The following GPC5 variants were observed in gnomAD, a reference collection of about 807,000 sequenced individuals.
GPC5 encodes glypican-5.
A neutral mutation model predicts 53.9 loss-of-function variants in GPC5; 47 were observed. That is an observed-to-expected ratio of 0.87 (90% CI 0.69 to 1.11). The LOEUF is 1.11. Ranked by LOEUF, GPC5 falls within the 50% of genes most tolerant of loss-of-function variation. The probability of loss-of-function intolerance (pLI) is 0.00; values close to 1 mark genes in which losing one functional copy is unlikely to be tolerated. For missense variants in GPC5, 748 were observed against 713.1 expected, an observed-to-expected ratio of 1.05 and a Z score of -0.56; for synonymous variants, 286 against 263.3, an observed-to-expected ratio of 1.09 and a Z score of -0.84.
chr13:92,223,192 A>G (rs2139090518), intron 7 of GPC5, among the ~76,000 whole-genome samples: 1 of 152,272 alleles, frequency 6.6e-6, no homozygotes, highest in Admixed American at 6.5e-5. Context: ...CTTGACCTCA[A>G]AGCAATTCTG....
chr13:91,497,677 G>A (rs12859701), intron 2 of GPC5, among the ~76,000 whole-genome samples: 12 of 152,296 alleles, frequency 7.9e-5, no homozygotes, highest in Admixed American at 3.3e-4. Flanking sequence ...AATTGGGAAT[G>A]TTGCCCTCTA....
intron 2 of GPC5, among the ~76,000 whole-genome samples, chr13:91,611,221 C>G (rs929775780): frequency 6.6e-5 from 10 of 152,054 alleles, no homozygotes; most frequent in African/African-American, 2.4e-4. Flanking sequence ...AAAACTAGTA[C>G]AAGAATATAA....
At chr13:91,970,339 A>G (rs746506744) in intron 6 of GPC5, among the ~76,000 whole-genome samples, 2 of 152,148 alleles carry the variant, frequency 1.3e-5, no homozygotes, top group Non-Finnish European at 2.9e-5. Flanking sequence ...CTCAGTTATA[A>G]CATGAATAAG....
At chr13:91,979,526 C>A (rs1029711726) in intron 6 of GPC5, among the ~76,000 whole-genome samples, 3 of 152,158 alleles carry the variant, frequency 2.0e-5, no homozygotes. Context: ...TTCAATTCCA[C>A]AACTTTGGAG....
intron 5 of GPC5, among the ~76,000 whole-genome samples, chr13:91,833,431 CACA>C (rs1047318352): frequency 2.0e-5 from 3 of 151,954 alleles, no homozygotes; most frequent in Non-Finnish European, 2.9e-5. Flanking sequence ...CTGGCAAAGG[CACA>C]ACAACAACAA....
At chr13:92,218,606 T>C (rs1177182445) in intron 7 of GPC5, among the ~76,000 whole-genome samples, 1 of 152,186 alleles carries the variant, frequency 6.6e-6, no homozygotes, top group Admixed American at 6.5e-5. Flanking sequence ...TAATCTTCTT[T>C]ACCTTAAAGG....
chr13:92,464,358 C>T (rs950355959), intron 7 of GPC5, among the ~76,000 whole-genome samples: 3 of 152,084 alleles, frequency 2.0e-5, no homozygotes, highest in African/African-American at 7.2e-5. Flanking sequence ...CATATTTTTA[C>T]ACCAAAAATT....
At chr13:92,026,453 C>CT (rs1263154168) in intron 6 of GPC5, among the ~76,000 whole-genome samples, 1,982 of 140,618 alleles carry the variant, frequency 0.014, 16 homozygotes, top group Middle Eastern at 0.022. Flanking sequence ...TTTCTTTTTT[C>CT]TTTTTTTTTT....
At chr13:91,520,331 C>T in intron 2 of GPC5, among the ~76,000 whole-genome samples, 1 of 152,102 alleles carries the variant, frequency 6.6e-6, no homozygotes, top group Non-Finnish European at 1.5e-5. Context: ...TTCCTGGTCC[C>T]CAGATGTGTG....
intron 7 of GPC5, among the ~76,000 whole-genome samples, chr13:92,609,751 G>C (rs929125399): frequency 6.6e-6 from 1 of 152,082 alleles, no homozygotes; most frequent in African/African-American, 2.4e-5. Context: ...TTGAAGTTCA[G>C]GCCGGCATGT....
chr13:92,818,560 A>G (rs1030004288), intron 7 of GPC5, among the ~76,000 whole-genome samples: 3 of 151,938 alleles, frequency 2.0e-5, no homozygotes, highest in African/African-American at 7.3e-5. Context: ...CAGCTGGCAT[A>G]ACGTAAACAA....
intron 2 of GPC5, among the ~76,000 whole-genome samples, chr13:91,492,844 T>TC (rs1884014588): frequency 6.6e-6 from 1 of 152,208 alleles, no homozygotes; most frequent in Non-Finnish European, 1.5e-5. Context: ...AGCCACCCAC[T>TC]CCGTGGACAT....
At chr13:91,750,964 T>TC (rs2037163822) in intron 4 of GPC5, among the ~76,000 whole-genome samples, 1 of 151,872 alleles carries the variant, frequency 6.6e-6, no homozygotes, top group Non-Finnish European at 1.5e-5. Context: ...GCCTGGCCGG[T>TC]AAGTCTTTTT....
chr13:92,033,406 G>T (rs2040869217), intron 6 of GPC5, among the ~76,000 whole-genome samples: 1 of 152,128 alleles, frequency 6.6e-6, no homozygotes. Flanking sequence ...CTGTCACAAA[G>T]TACTCTCATT....
At chr13:92,824,737 C>A (rs866266834) in intron 7 of GPC5, among the ~76,000 whole-genome samples, 29 of 124,794 alleles carry the variant, frequency 2.3e-4, no homozygotes, top group African/African-American at 7.1e-4. Flanking sequence ...AAAAAAAAAA[C>A]TTCTCATCTT....
rs951274831 is a variant in GPC5, at chr13:92,264,022, A to G, written c.1561+119033A>G. Among the ~76,000 whole-genome samples, 3 of 152,204 alleles carry G rather than the reference A, an allele frequency of 2.0e-5. No individual in the cohort carries two copies. In the South Asian group the frequency reaches 6.2e-4, roughly 31 times the overall value. On this transcript the variant is annotated intron_variant, in intron 7 of 7. Coordinates refer to ENST00000377067, the MANE Select transcript of GPC5 (RefSeq NM_004466.6). The stretch of plus-strand genomic sequence containing the variant: ...AATCAGATTGATTTAATTACTTCAC[A>G]TTGTAAACATACAGAAAACATCACA...
At chr13:92,343,674 T>C (rs536478978) in intron 7 of GPC5, among the ~76,000 whole-genome samples, 4 of 152,172 alleles carry the variant, frequency 2.6e-5, no homozygotes, top group Middle Eastern at 3.4e-3. Flanking sequence ...TTTTCAATAA[T>C]TTTTTCTAAC....
intron 7 of GPC5, among the ~76,000 whole-genome samples, chr13:92,535,471 A>G (rs1255057685): frequency 6.6e-6 from 1 of 152,114 alleles, no homozygotes; most frequent in Non-Finnish European, 1.5e-5. Flanking sequence ...ATAGAGGGAA[A>G]GAAAACAGGA....
At chr13:92,476,732 A>G (rs1434784142) in intron 7 of GPC5, among the ~76,000 whole-genome samples, 9 of 149,354 alleles carry the variant, frequency 6.0e-5, no homozygotes, top group Admixed American at 6.0e-4. Context: ...TGATGAGTTC[A>G]TGTCCTTTGT....
Sources: allele counts gnomAD v4.1 joint callset (sites outside exome capture counted in the v4.1 genomes callset), GRCh38; gene constraint gnomAD v4.1.1; transcripts MANE v1.5; gene names NCBI Gene and HGNC (gene_info 2026-07-23, HGNC 2026-07-21).